Variants in ZDHHC2 observed in about 807,000 individuals in gnomAD.
ZDHHC2 encodes zDHHC palmitoyltransferase 2.
ZDHHC2 carries 51 observed loss-of-function variants against 55.6 expected under a neutral mutation model. The observed-to-expected ratio is 0.92, with a 90% CI of 0.73 to 1.16. ZDHHC2 has a LOEUF of 1.16. ZDHHC2 is among the 50% of genes most tolerant of loss of function. The pLI, the probability that ZDHHC2 is intolerant of heterozygous loss-of-function variation, is 0.00. For synonymous variants in ZDHHC2, 199 were observed against 152.9 expected (o/e 1.30, Z -2.22); for missense variants, 491 against 442.4 (o/e 1.11, Z -0.99).
intron 1 of ZDHHC2, among the ~76,000 whole-genome samples, chr8:17,177,564 A>G (rs1398538023): frequency 2.0e-5 from 3 of 152,238 alleles, no homozygotes; most frequent in Non-Finnish European, 2.9e-5. Flanking sequence ...AAATGATATC[A>G]TAAATGCTAA....
At chr8:17,191,283 G>A (rs990690403) in intron 3 of ZDHHC2, among the ~76,000 whole-genome samples, 2 of 152,042 alleles carry the variant, frequency 1.3e-5, no homozygotes, top group African/African-American at 4.8e-5. Context: ...TTTTAATAGA[G>A]ATGGGGTTTC....
chr8:17,199,561 C>CTTTA (rs1563161377), intron 6 of ZDHHC2, among the ~76,000 whole-genome samples: 1 of 74,034 alleles, frequency 1.4e-5, no homozygotes, highest in East Asian at 3.6e-4. Context: ...TCGTCTTCGT[C>CTTTA]TTCTTCGTCT....
At chr8:17,217,063 G>A (rs1374550974) in intron 11 of ZDHHC2, 109 bp from the exon 12 acceptor site, 8 of 997,868 alleles carry the variant, frequency 8.0e-6, no homozygotes, top group Non-Finnish European at 1.2e-5. Flanking sequence ...TTATGTACAA[G>A]GCACCTTTGG....
chr8:17,202,660 G>A (rs1042722879), intron 6 of ZDHHC2, among the ~76,000 whole-genome samples: 1 of 151,718 alleles, frequency 6.6e-6, no homozygotes, highest in Non-Finnish European at 1.5e-5. Context: ...CTAGCCAAAA[G>A]CTGTCTATTG....
chr8:17,200,704 A>C (rs1208627535), intron 6 of ZDHHC2, among the ~76,000 whole-genome samples: 1 of 152,254 alleles, frequency 6.6e-6, no homozygotes, highest in Non-Finnish European at 1.5e-5. Flanking sequence ...TTACAGTCTG[A>C]TAGCCTTTAC....
At position 17,205,437 on chromosome 8, in the gene ZDHHC2, G is replaced by T. The variant is rs553790063; in HGVS notation, c.477-218G>T. 1.7e-3 allele frequency among the ~76,000 whole-genome samples: 266 copies of T among 152,284 alleles called. 1 individual carries two copies. Among genetic ancestry groups the T allele is most frequent in the Non-Finnish European group, 2.1e-3 (141 of 68,026 alleles). On this transcript the variant is annotated intron_variant, in intron 6 of 12. Transcript: ENST00000262096. ...ACATGCAGTTACATTGTTTGTGATT[G>T]ACTAAAGCAATATTAAATATCATGT...
intron 6 of ZDHHC2, among the ~76,000 whole-genome samples, chr8:17,204,210 A>G (rs906842007): frequency 6.6e-6 from 1 of 152,214 alleles, no homozygotes; most frequent in Non-Finnish European, 1.5e-5. Context: ...TTTGAGGGAG[A>G]TGATGTAAAC....
chr8:17,213,811 T>C (rs993457042), intron 10 of ZDHHC2, among the ~76,000 whole-genome samples: 3 of 152,142 alleles, frequency 2.0e-5, no homozygotes, highest in African/African-American at 7.2e-5. Context: ...GTACCCGTTA[T>C]ATGGTCCCTT....
rs1219759314 is a variant in ZDHHC2, at chr8:17,197,655, A to G, written c.443+4A>G. 2.5e-6 allele frequency: 4 copies of G among 1,612,146 alleles called. No individual in the cohort carries two copies. In the Admixed American group the frequency reaches 6.7e-5, roughly 27 times the overall value. On this transcript the variant is annotated splice_donor_region_variant and intron_variant, in intron 5 of 12. Transcript: ENST00000262096. ...ATCACTGCTCCGTCTGTGATAAGTA[A>G]GAGAACCTTTAACTTCTAAAATATC... is the stretch of plus-strand genomic sequence containing the variant.
intron 1 of ZDHHC2, among the ~76,000 whole-genome samples, chr8:17,172,135 T>G (rs1804885051): frequency 6.6e-6 from 1 of 152,164 alleles, no homozygotes; most frequent in South Asian, 2.1e-4. Context: ...AACTGTTTAC[T>G]TTCCTGTATC....
At chr8:17,182,401 G>C (rs918299055) in intron 1 of ZDHHC2, among the ~76,000 whole-genome samples, 2 of 152,096 alleles carry the variant, frequency 1.3e-5, no homozygotes, top group Admixed American at 6.5e-5. Context: ...CTAAAATAAT[G>C]ATTTTTATTT....
Position 17,209,949 on chromosome 8 carries a change from G to A in ZDHHC2, c.748G>A (p.Val250Ile), listed in dbSNP as rs1807294302. ...KSTLEAFRSP[V>I]FRHGTDKNGF... ...TTTTTTAGAGGCATTCAGAAGTCCA[G>A]TATTTCGACATGGAACAGATAAGAA... Residue 250 changes from valine (V) to isoleucine (I), a missense_variant, in exon 9 of 13, where the codon GTA (valine) becomes ATA (isoleucine). Transcript: ENST00000262096. The A allele has an allele frequency of 2.5e-6, 4 of 1,609,618 alleles. No homozygotes were observed. Among genetic ancestry groups the A allele is most frequent in the Non-Finnish European group, 3.4e-6 (4 of 1,178,054 alleles).
At chr8:17,182,575 G>T (rs540927888) in intron 1 of ZDHHC2, among the ~76,000 whole-genome samples, 1 of 152,004 alleles carries the variant, frequency 6.6e-6, no homozygotes, top group African/African-American at 2.4e-5. Context: ...TTATGTGTAA[G>T]TTGTGTACTT....
chr8:17,219,483 G>A (rs539599870), intron 12 of ZDHHC2, among the ~76,000 whole-genome samples: 4 of 152,100 alleles, frequency 2.6e-5, no homozygotes, highest in East Asian at 3.9e-4. Flanking sequence ...CTGGCCAGGC[G>A]TGGTGGCTCA....
At chr8:17,205,447 A>G (rs1422010619) in intron 6 of ZDHHC2, among the ~76,000 whole-genome samples, 2 of 152,240 alleles carry the variant, frequency 1.3e-5, no homozygotes, top group African/African-American at 4.8e-5. Context: ...GACTAAAGCA[A>G]TATTAAATAT....
intron 10 of ZDHHC2, among the ~76,000 whole-genome samples, chr8:17,210,824 C>T (rs1316953331): frequency 1.3e-5 from 2 of 152,068 alleles, no homozygotes; most frequent in African/African-American, 4.8e-5. Flanking sequence ...GGTAAAATCG[C>T]CCCTGACCCA....
At chr8:17,199,548 T>C (rs1806570410) in intron 6 of ZDHHC2, among the ~76,000 whole-genome samples, 1 of 137,698 alleles carries the variant, frequency 7.3e-6, no homozygotes, top group African/African-American at 2.7e-5. Flanking sequence ...TCGTCTTCTG[T>C]CTTCGTCTTC....
chr8:17,201,665 GTTTTT>G (rs67135015), intron 6 of ZDHHC2, among the ~76,000 whole-genome samples: 2 of 130,012 alleles, frequency 1.5e-5, no homozygotes, highest in South Asian at 5.3e-4. Context: ...ACGGTTTTTG[GTTTTT>G]TTTTTTTTTG....
intron 6 of ZDHHC2, among the ~76,000 whole-genome samples, chr8:17,199,590 T>TCGTCTTTG (rs1563161585): frequency 2.4e-5 from 1 of 40,870 alleles, no homozygotes; most frequent in African/African-American, 5.2e-5. Context: ...TTCTTCTTCT[T>TCGTCTTTG]TCTTCTTCTT....
Sources: allele counts gnomAD v4.1 joint callset (sites outside exome capture counted in the v4.1 genomes callset), GRCh38; gene constraint gnomAD v4.1.1; transcripts MANE v1.5; gene names NCBI Gene and HGNC (gene_info 2026-07-23, HGNC 2026-07-21).